The following HSD17B12 variants were observed in gnomAD, a reference collection of about 807,000 sequenced individuals.
The protein encoded by HSD17B12 is hydroxysteroid 17-beta dehydrogenase 12.
HSD17B12 carries 32 observed loss-of-function variants against 39.3 expected under a neutral mutation model. The observed-to-expected ratio is 0.81, with a 90% CI of 0.61 to 1.09. HSD17B12 has a LOEUF of 1.09. Among genes scored for constraint, HSD17B12 ranks in the 50% least tolerant of loss-of-function variants. The probability of loss-of-function intolerance (pLI) is 0.00; values close to 1 mark genes in which losing one functional copy is unlikely to be tolerated. For missense variants in HSD17B12, 342 were observed against 382.9 expected (o/e 0.89, Z 0.89); for synonymous variants, 150 against 146.7 (o/e 1.02, Z -0.16).
In HSD17B12 at chr11:43,798,365, C is replaced by T; in HGVS notation, c.329C>T (p.Ala110Val). Reference protein sequence around the residue: ...VETRTIAVDFASEDIYDKIKT... With the variant: ...VETRTIAVDFVSEDIYDKIKT... ...ACAAGAACCATTGCTGTTGACTTTG[C>T]ATCAGAAGATATTTATGATAAAATT... Residue 110 changes from alanine to valine, a missense_variant, in exon 4 of 11, where the codon GCA (alanine) becomes GTA (valine). By Grantham distance (64) the Ala-to-Val change is moderately conservative. Transcript: ENST00000278353. The T allele has an allele frequency of 6.2e-7, 1 of 1,612,426 alleles. No homozygotes were observed. Among genetic ancestry groups the T allele is most frequent in the Non-Finnish European group, 8.5e-7 (1 of 1,178,974 alleles).
intron 1 of HSD17B12, among the ~76,000 whole-genome samples, chr11:43,748,392 T>C (rs1287413059): frequency 6.6e-6 from 1 of 152,120 alleles, no homozygotes; most frequent in Non-Finnish European, 1.5e-5. Context: ...TTCTTACTTA[T>C]AAGTGGGAGC....
the HSD17B12 span, among the ~76,000 whole-genome samples, chr11:43,592,171 C>T: frequency 1.9e-3 from 286 of 151,926 alleles, 1 homozygote; most frequent in Non-Finnish European, 2.1e-3. Context: ...ATTTATAGAT[C>T]TTAATATAAC....
At chr11:43,778,818 A>G (rs1274631075) in intron 3 of HSD17B12, among the ~76,000 whole-genome samples, 1 of 151,756 alleles carries the variant, frequency 6.6e-6, no homozygotes, top group Non-Finnish European at 1.5e-5. Flanking sequence ...ATAAACTCAA[A>G]TTTATTTCTT....
the HSD17B12 span, among the ~76,000 whole-genome samples, chr11:43,630,811 T>TTC: frequency 6.6e-6 from 1 of 151,638 alleles, no homozygotes; most frequent in Non-Finnish European, 1.5e-5. Context: ...CTTTCTTTTT[T>TTC]TTTTTTTTTT....
chr11:43,839,094 A>G (rs138230521), intron 8 of HSD17B12, among the ~76,000 whole-genome samples: 2 of 152,260 alleles, frequency 1.3e-5, no homozygotes, highest in African/African-American at 4.8e-5. Context: ...TGAAGGGAAA[A>G]TGATCACTTA....
chr11:43,587,491 T>C, the HSD17B12 span, among the ~76,000 whole-genome samples: 74 of 152,330 alleles, frequency 4.9e-4, no homozygotes, highest in Non-Finnish European at 7.3e-4. Context: ...TTCTTTTTTT[T>C]CCCCCATTAG....
At chr11:43,721,339 C>T (rs1950174252) in intron 1 of HSD17B12, among the ~76,000 whole-genome samples, 1 of 152,004 alleles carries the variant, frequency 6.6e-6, no homozygotes, top group Non-Finnish European at 1.5e-5. Flanking sequence ...TCCAGGCAGG[C>T]TGAGCCTCGT....
the HSD17B12 span, among the ~76,000 whole-genome samples, chr11:43,566,224 A>G: frequency 1.3e-5 from 2 of 152,224 alleles, no homozygotes; most frequent in Admixed American, 1.3e-4. Flanking sequence ...AGGTTAATAA[A>G]TATGGGGCTC....
chr11:43,714,157 G>T (rs532428265), intron 1 of HSD17B12, among the ~76,000 whole-genome samples: 1 of 152,254 alleles, frequency 6.6e-6, no homozygotes, highest in South Asian at 2.1e-4. Flanking sequence ...TTTGGCTTTT[G>T]TTGCCATTGC....
intron 3 of HSD17B12, among the ~76,000 whole-genome samples, chr11:43,782,661 A>G (rs1236067149): frequency 6.8e-6 from 1 of 146,482 alleles, no homozygotes; most frequent in African/African-American, 2.5e-5. Context: ...GGTGGCAGAG[A>G]GAGACTCTGT....
chr11:43,711,442 A>G (rs1328443839), intron 1 of HSD17B12, among the ~76,000 whole-genome samples: 1 of 147,074 alleles, frequency 6.8e-6, no homozygotes, highest in Non-Finnish European at 1.5e-5. Flanking sequence ...TTTTAAAACT[A>G]TGGTGTGTTT....
chr11:43,792,291 A>G (rs1374874805), intron 3 of HSD17B12, among the ~76,000 whole-genome samples: 1 of 152,230 alleles, frequency 6.6e-6, no homozygotes, highest in East Asian at 1.9e-4. Flanking sequence ...CATCTTTTAA[A>G]TCTCTAAATA....
chr11:43,709,275 A>C (rs983132334), intron 1 of HSD17B12, among the ~76,000 whole-genome samples: 1 of 152,150 alleles, frequency 6.6e-6, no homozygotes, highest in Non-Finnish European at 1.5e-5. Context: ...ACAGGCGCGC[A>C]CCACCACACC....
At chr11:43,652,440 C>T in the HSD17B12 span, among the ~76,000 whole-genome samples, 1 of 152,178 alleles carries the variant, frequency 6.6e-6, no homozygotes, top group Non-Finnish European at 1.5e-5. Context: ...CAGGCACCAG[C>T]TGGGTGTCTT....
At chr11:43,601,994 A>G in the HSD17B12 span, among the ~76,000 whole-genome samples, 2 of 152,166 alleles carry the variant, frequency 1.3e-5, no homozygotes, top group Admixed American at 6.5e-5. Context: ...TTGAGCTTAC[A>G]GCTTTGGCCA....
the HSD17B12 span, among the ~76,000 whole-genome samples, chr11:43,658,882 A>C: frequency 6.6e-6 from 1 of 152,170 alleles, no homozygotes; most frequent in Non-Finnish European, 1.5e-5. Flanking sequence ...CTTAGATCTC[A>C]AGCTGCGTGC....
At chr11:43,627,969 G>T in the HSD17B12 span, among the ~76,000 whole-genome samples, 1 of 151,344 alleles carries the variant, frequency 6.6e-6, no homozygotes, top group African/African-American at 2.4e-5. Flanking sequence ...TTTTTTAATT[G>T]CTAGGGAAGT....
chr11:43,607,279 A>AGTGTGT, the HSD17B12 span, among the ~76,000 whole-genome samples: 830 of 145,376 alleles, frequency 5.7e-3, 4 homozygotes, highest in East Asian at 8.9e-3. Flanking sequence ...TGTGCTCCTG[A>AGTGTGT]GTGTGTGTGT....
chr11:43,576,469 C>T, the HSD17B12 span: 1 of 152,132 alleles, frequency 6.6e-6, no homozygotes. Flanking sequence ...GGAAGAAAAC[C>T]TGGACATCAC....
Sources: allele counts gnomAD v4.1 joint callset (sites outside exome capture counted in the v4.1 genomes callset), GRCh38; gene constraint gnomAD v4.1.1; transcripts MANE v1.5; gene names NCBI Gene and HGNC (gene_info 2026-07-23, HGNC 2026-07-21).